The following CFAP57 variants were observed in gnomAD, a reference collection of about 807,000 sequenced individuals.
CFAP57 encodes the protein cilia and flagella associated protein 57.
A neutral mutation model predicts 146.8 loss-of-function variants in CFAP57; 116 were observed. The observed-to-expected ratio is 0.79, with a 90% CI of 0.68 to 0.92. The LOEUF (loss-of-function observed/expected upper bound fraction) is 0.92, where lower values mean the gene tolerates loss of function less well. CFAP57 is among the 40% of genes least tolerant of loss of function. The probability of loss-of-function intolerance (pLI) is 0.00; values close to 1 mark genes in which losing one functional copy is unlikely to be tolerated. For synonymous variants in CFAP57, 518 were observed against 552.8 expected, an observed-to-expected ratio of 0.94 and a Z score of 0.88; for missense variants, 1,377 against 1,527.2, an observed-to-expected ratio of 0.90 and a Z score of 1.64.
intron 17 of CFAP57, 104 bp downstream of exon 17, chr1:43,224,308 C>CT (rs1397757718): frequency 1.2e-5 from 16 of 1,320,932 alleles, no homozygotes; most frequent in Non-Finnish European, 1.6e-5. Context: ...GGACGCATTT[C>CT]TTTAACTTGA....
chr1:43,211,053 C>A (rs915632725), intron 11 of CFAP57, among the ~76,000 whole-genome samples: 2 of 151,990 alleles, frequency 1.3e-5, no homozygotes, highest in Admixed American at 1.3e-4. Context: ...TGACACAGCA[C>A]CTGAGGTTTT....
At chr1:43,194,751 G>A (rs1265070757) in intron 6 of CFAP57, 1 of 152,056 alleles carries the variant, frequency 6.6e-6, no homozygotes, top group Non-Finnish European at 1.5e-5. Context: ...TTTCATTTCA[G>A]TTATTGTAGT....
intron 22 of CFAP57, among the ~76,000 whole-genome samples, chr1:43,249,048 A>ATTTTTT (rs1229728481): frequency 4.0e-5 from 5 of 123,994 alleles, no homozygotes; most frequent in Non-Finnish European, 6.6e-5. Flanking sequence ...CTCCCAGCTA[A>ATTTTTT]TTTTTTTTTT....
chr1:43,240,908 C>T (rs1351126088), intron 21 of CFAP57, among the ~76,000 whole-genome samples: 1 of 152,218 alleles, frequency 6.6e-6, no homozygotes, highest in Non-Finnish European at 1.5e-5. Flanking sequence ...GATCTCGGCT[C>T]ACTGCAAGCT....
At position 43,172,462 on chromosome 1, in the gene CFAP57, G is replaced by C; in HGVS notation, c.-20+9G>C. On this transcript the variant is annotated intron_variant, in intron 1 of 22. Coordinates refer to ENST00000372492, the MANE Select transcript of CFAP57 (RefSeq NM_001378189.1). ...CCAGAGAGAAACGAAAGGTGGGAGG[G>C]GGTACCTGGGGGTCGCCAGAAGGAG... 6.5e-7 allele frequency: 1 copy of C among 1,543,744 alleles called. No homozygotes were observed. Among genetic ancestry groups the C allele is most frequent in the Non-Finnish European group, 8.8e-7 (1 of 1,142,592 alleles).
intron 11 of CFAP57, among the ~76,000 whole-genome samples, chr1:43,213,848 T>A (rs932750830): frequency 2.6e-5 from 4 of 151,964 alleles, no homozygotes; most frequent in African/African-American, 9.7e-5. Flanking sequence ...GCCATTTGTA[T>A]GTCTTCTTTT....
chr1:43,234,478 C>T lies in CFAP57; in HGVS notation c.3262-17C>T, dbSNP rs1254737797. On this transcript the variant is annotated splice_polypyrimidine_tract_variant and intron_variant, in intron 20 of 22. Coordinates refer to ENST00000372492, the MANE Select transcript of CFAP57 (RefSeq NM_001378189.1). ...GGGTCTCCTCTCCCTCACTGAGAAT[C>T]TCCTGGGCCCCGTCAGGTGGAGATC... 1.9e-6 allele frequency: 3 copies of T among 1,545,116 alleles called. No homozygotes were observed. The highest frequency in any genetic ancestry group is 1.2e-5 in the South Asian group (1 of 83,350).
At chr1:43,206,461 G>T in intron 9 of CFAP57, 2 of 498,788 alleles carry the variant, frequency 4.0e-6, no homozygotes, top group Non-Finnish European at 7.2e-6. Flanking sequence ...CTAGCCTTAA[G>T]AAACCTGTAG....
intron 2 of CFAP57, among the ~76,000 whole-genome samples, chr1:43,179,813 C>A (rs1645315970): frequency 6.6e-6 from 1 of 152,126 alleles, no homozygotes; most frequent in African/African-American, 2.4e-5. Context: ...CCTTTCTTCT[C>A]CCTCTCTTTG....
chr1:43,172,637 G>C, intron 1 of CFAP57, 98 bp from the exon 2 acceptor site: 2 of 1,156,156 alleles, frequency 1.7e-6, no homozygotes, highest in Non-Finnish European at 2.5e-6. Context: ...GAGAGACAAG[G>C]GGAGGAGCAA....
At chr1:43,252,661 A>G (rs1646353571) in intron 22 of CFAP57, among the ~76,000 whole-genome samples, 1 of 152,150 alleles carries the variant, frequency 6.6e-6, no homozygotes, top group Admixed American at 6.5e-5. Flanking sequence ...ACCAACAAAG[A>G]CTCATAGCTA....
In CFAP57 at chr1:43,181,774, T is replaced by C; in HGVS notation, c.398T>C (p.Leu133Pro). The change falls in exon 3 of 23, where the codon CTT becomes CCT. Residue 133 changes from leucine (L) to proline (P), a missense_variant. By Grantham distance (98) the Leu-to-Pro change is moderately conservative. Transcript: ENST00000372492. ...LAQTSPPESN[L>P]VYWLWEKQKV... is the part of the protein sequence containing the mutation. The stretch of plus-strand genomic sequence containing the variant: ...CAGACGTCACCTCCAGAGTCAAATC[T>C]TGTCTACTGGCTGTGGGAAAAACAG... 1 of 1,614,210 alleles carries C rather than the reference T, an allele frequency of 6.2e-7. No individual in the cohort carries two copies. The highest frequency in any genetic ancestry group is 8.5e-7 in the Non-Finnish European group (1 of 1,180,034).
intron 21 of CFAP57, among the ~76,000 whole-genome samples, chr1:43,241,674 C>G (rs750015869): frequency 2.6e-5 from 4 of 152,162 alleles, no homozygotes; most frequent in Non-Finnish European, 5.9e-5. Flanking sequence ...TGCTTTGCAA[C>G]TGAAAGTGTG....
At chr1:43,186,951 G>A (rs1643168951) in intron 6 of CFAP57, 92 bp downstream of exon 6, 3 of 1,505,560 alleles carry the variant, frequency 2.0e-6, no homozygotes, top group Non-Finnish European at 2.7e-6. Flanking sequence ...ATCCAAATAA[G>A]TTAGCATAAA....
chr1:43,233,272 C>T (rs901617224), intron 19 of CFAP57, among the ~76,000 whole-genome samples: 2 of 152,110 alleles, frequency 1.3e-5, no homozygotes, highest in East Asian at 1.9e-4. Context: ...AGGTGGATCA[C>T]GAGGTCAGGA....
chr1:43,199,662 T>C (rs1644030629), intron 9 of CFAP57, among the ~76,000 whole-genome samples, 159 bp downstream of exon 9: 2 of 152,322 alleles, frequency 1.3e-5, no homozygotes, highest in South Asian at 2.1e-4. Flanking sequence ...CAGACAAATG[T>C]AGTTACTAAT....
intron 19 of CFAP57, among the ~76,000 whole-genome samples, chr1:43,232,891 G>A (rs896498293): frequency 6.6e-6 from 1 of 152,234 alleles, no homozygotes; most frequent in Non-Finnish European, 1.5e-5. Flanking sequence ...GTAGCATTTG[G>A]CTTCTTTGGA....
At chr1:43,192,664 C>G (rs1643611888) in intron 6 of CFAP57, among the ~76,000 whole-genome samples, 1 of 151,638 alleles carries the variant, frequency 6.6e-6, no homozygotes, top group South Asian at 2.1e-4. Flanking sequence ...GTGGCTCACA[C>G]CTGTAATCCT....
intron 18 of CFAP57, among the ~76,000 whole-genome samples, chr1:43,227,748 GC>G (rs376847467): frequency 0.011 from 1,710 of 152,134 alleles, 32 homozygotes; most frequent in African/African-American, 0.039. Context: ...AACGTGTGTT[GC>G]CCCATCAGCC....
Sources: gnomAD v4.1 joint callset for allele counts (sites outside exome capture counted in the v4.1 genomes callset) on GRCh38, gnomAD v4.1.1 for gene constraint, MANE v1.5 for transcripts, NCBI Gene and HGNC (gene_info 2026-07-23, HGNC 2026-07-21) for gene names.